REEP1: variants seen among roughly 807,000 people sequenced by gnomAD.
The protein encoded by REEP1 is receptor accessory protein 1, also known as receptor expression-enhancing protein 1.
Under a neutral mutation model 40.3 loss-of-function variants are expected in REEP1, and 22 were observed. The observed-to-expected ratio is 0.55, with a 90% CI of 0.39 to 0.78. The LOEUF (loss-of-function observed/expected upper bound fraction) is 0.78. Ranked by LOEUF, REEP1 falls within the 30% of genes least tolerant of loss-of-function variation. The pLI, the probability that REEP1 is intolerant of heterozygous loss-of-function variation, is 0.00. For missense variants in REEP1, 280 were observed against 361.1 expected (o/e 0.78, Z 1.82); for synonymous variants, 116 against 139.2 (o/e 0.83, Z 1.17).
chr2:86,312,183 A>G (rs1679795360), intron 1 of REEP1, among the ~76,000 whole-genome samples: 1 of 152,060 alleles, frequency 6.6e-6, no homozygotes, highest in South Asian at 2.1e-4. Context: ...CTCAACATCT[A>G]CCTTTACCAC....
intron 1 of REEP1, among the ~76,000 whole-genome samples, chr2:86,318,617 C>G (rs35146160): frequency 6.6e-6 from 1 of 151,964 alleles, no homozygotes; most frequent in Non-Finnish European, 1.5e-5. Flanking sequence ...AGGCTGGTCT[C>G]GATCTCCTGA....
At chr2:86,247,235 G>A (rs1368022875) in intron 5 of REEP1, among the ~76,000 whole-genome samples, 4 of 152,214 alleles carry the variant, frequency 2.6e-5, no homozygotes, top group Middle Eastern at 3.4e-3. Context: ...CAGGAAGGAC[G>A]CACAGCAGTT....
intron 5 of REEP1, among the ~76,000 whole-genome samples, chr2:86,247,506 C>G (rs1196128485): frequency 6.6e-6 from 1 of 152,038 alleles, no homozygotes; most frequent in Non-Finnish European, 1.5e-5. Flanking sequence ...CAAGGTCAGC[C>G]TAAGCAACAT....
intron 1 of REEP1, among the ~76,000 whole-genome samples, chr2:86,283,450 T>C (rs1342125547): frequency 6.6e-6 from 1 of 151,820 alleles, no homozygotes; most frequent in African/African-American, 2.4e-5. Context: ...GCTTTCAGAG[T>C]CCCTGCAAAG....
intron 1 of REEP1, among the ~76,000 whole-genome samples, chr2:86,332,012 CCTA>C (rs1224107841): frequency 1.3e-5 from 2 of 152,190 alleles, no homozygotes; most frequent in South Asian, 2.1e-4. Flanking sequence ...TTCTGAAATC[CCTA>C]CTGTGTGCCC....
chr2:86,307,597 CA>C (rs1290034522), intron 1 of REEP1, among the ~76,000 whole-genome samples: 4 of 152,018 alleles, frequency 2.6e-5, no homozygotes, highest in Non-Finnish European at 5.9e-5. Flanking sequence ...CCTGTCTCTA[CA>C]AAAAATGTAA....
intron 7 of REEP1, among the ~76,000 whole-genome samples, chr2:86,221,985 G>A (rs1352885324): frequency 6.6e-6 from 1 of 152,158 alleles, no homozygotes; most frequent in African/African-American, 2.4e-5. Context: ...ACCGGTTCGA[G>A]ACTGTGCCTC....
In REEP1 at chr2:86,327,206, G is replaced by A. The variant is rs368684200; in HGVS notation, c.32+10273C>T. On this transcript the variant is annotated intron_variant, in intron 1 of 8. Coordinates refer to ENST00000538924, the MANE Select transcript of REEP1 (RefSeq NM_001371279.1). ...CCAGAAGTGCTTCTTTTCCACATGG[G>A]CTTATTTCCCTCCCCCAGGATATGC... Among the ~76,000 whole-genome samples the A allele has an allele frequency of 4.3e-4, 65 of 152,120 alleles. 1 individual carries two copies. In the South Asian group the frequency reaches 0.013, roughly 31 times the overall value.
chr2:86,295,133 T>C (rs550436955), intron 1 of REEP1, among the ~76,000 whole-genome samples: 1 of 152,332 alleles, frequency 6.6e-6, no homozygotes, highest in African/African-American at 2.4e-5. Flanking sequence ...TTTCAGCACG[T>C]GTCTTAATTA....
intron 1 of REEP1, among the ~76,000 whole-genome samples, chr2:86,325,458 A>G (rs1199271319): frequency 1.3e-5 from 2 of 152,208 alleles, no homozygotes; most frequent in African/African-American, 2.4e-5. Flanking sequence ...ATAAGGTAAA[A>G]GGGACTTTGC....
At chr2:86,331,196 A>G (rs1680746497) in intron 1 of REEP1, among the ~76,000 whole-genome samples, 1 of 152,028 alleles carries the variant, frequency 6.6e-6, no homozygotes, top group South Asian at 2.1e-4. Context: ...TATCTTCCCA[A>G]CTCTGGAACC....
chr2:86,299,666 C>G (rs920673898), intron 1 of REEP1, among the ~76,000 whole-genome samples: 2 of 152,174 alleles, frequency 1.3e-5, no homozygotes, highest in Non-Finnish European at 2.9e-5. Flanking sequence ...TCATCTTATA[C>G]AAGCCACAAC....
At chr2:86,261,640 G>A (rs4832267) in intron 3 of REEP1, among the ~76,000 whole-genome samples, 63,431 of 152,000 alleles carry the variant, frequency 0.42, 14,696 homozygotes, top group East Asian at 0.65. Flanking sequence ...TATTGTCCAA[G>A]GTTTCTCCCC....
chr2:86,297,754 A>G (rs950090576), intron 1 of REEP1: 1 of 984,006 alleles, frequency 1.0e-6, no homozygotes, highest in Non-Finnish European at 1.2e-6. Context: ...CTCCTCATTC[A>G]CTGGTTCTGG....
intron 2 of REEP1, 134 bp from the exon 3 acceptor site, chr2:86,264,175 C>A: frequency 1.4e-6 from 1 of 722,834 alleles, no homozygotes; most frequent in Non-Finnish European, 2.5e-6. Context: ...TAGCCTTCTC[C>A]CTATCCTTCC....
chr2:86,283,373 G>A (rs896506841), intron 1 of REEP1, among the ~76,000 whole-genome samples: 3 of 152,188 alleles, frequency 2.0e-5, no homozygotes, highest in Non-Finnish European at 4.4e-5. Flanking sequence ...AGCTGACTAG[G>A]TGCAGGAGTG....
intron 1 of REEP1, among the ~76,000 whole-genome samples, chr2:86,331,649 C>T (rs1680769692): frequency 6.6e-6 from 1 of 152,100 alleles, no homozygotes; most frequent in Admixed American, 6.5e-5. Context: ...GCACCTTTGT[C>T]CTAGAACTGC....
chr2:86,266,572 T>C (rs1377797341), intron 2 of REEP1, among the ~76,000 whole-genome samples: 7 of 151,156 alleles, frequency 4.6e-5, no homozygotes, highest in South Asian at 2.1e-4. Context: ...TGAGCCGAGA[T>C]TGCGCCACTG....
chr2:86,253,980 A>G (rs1190460591), intron 4 of REEP1, among the ~76,000 whole-genome samples: 2 of 152,240 alleles, frequency 1.3e-5, no homozygotes, highest in Admixed American at 1.3e-4. Context: ...GGAAGCAACT[A>G]AACTCCAGGA....
Sources: gnomAD v4.1 joint callset for allele counts (sites outside exome capture counted in the v4.1 genomes callset) on GRCh38, gnomAD v4.1.1 for gene constraint, MANE v1.5 for transcripts, NCBI Gene and HGNC (gene_info 2026-07-23, HGNC 2026-07-21) for gene names.